Variants in CASK observed in about 807,000 individuals in gnomAD.
CASK encodes calcium/calmodulin dependent serine protein kinase.
In CASK, 4 loss-of-function variants were observed where a neutral mutation model predicts 82.9. The observed-to-expected ratio is 0.05, with a 90% CI of 0.02 to 0.11. CASK has a LOEUF of 0.11. Among genes scored for constraint, CASK ranks in the 10% least tolerant of loss-of-function variants. The probability of loss-of-function intolerance (pLI) is 1.00; values close to 1 mark genes in which losing one functional copy is unlikely to be tolerated. For missense variants in CASK, 358 were observed against 720.9 expected (o/e 0.50, Z 5.76); for synonymous variants, 259 against 253.5 (o/e 1.02, Z -0.20).
chrX:41,878,396 T>C, intron 1 of CASK, among the ~76,000 whole-genome samples: 1 of 111,180 alleles, frequency 9.0e-6, no homozygotes, highest in Non-Finnish European at 1.9e-5. Flanking sequence ...TCAACAGAAG[T>C]GTTCTTTTTT....
Position 41,787,295 on chromosome X carries a change from A to C in CASK, c.173-12T>G. The C allele has an allele frequency of 1.0e-6, 1 of 986,137 alleles. No homozygotes were observed. The highest frequency in any genetic ancestry group is 1.4e-6 in the Non-Finnish European group (1 of 689,777). The allele number at this position is 986,137 out of a possible 1,213,427, so 81.3% of individuals were successfully genotyped here. ...TTCCCGCTTTAGATCTGTAAAACAA[A>C]CATACAGCATACTTCATTAGGTAGG... On this transcript the variant is annotated splice_polypyrimidine_tract_variant and intron_variant, in intron 2 of 26. Transcript: ENST00000378163.
intron 2 of CASK, among the ~76,000 whole-genome samples, chrX:41,820,354 G>A (rs756390781): frequency 1.8e-3 from 196 of 110,951 alleles, no homozygotes; most frequent in African/African-American, 6.1e-3. Context: ...AGAATCAACT[G>A]TATTTCTATA....
At chrX:41,846,497 TAGAA>T (rs1338154934) in intron 2 of CASK, among the ~76,000 whole-genome samples, 1 of 110,325 alleles carries the variant, frequency 9.1e-6, no homozygotes, top group Non-Finnish European at 1.9e-5. Context: ...GTACAAAAAA[TAGAA>T]AGAATGAATA....
At chrX:41,826,543 G>A (rs1017942881) in intron 2 of CASK, among the ~76,000 whole-genome samples, 4 of 111,673 alleles carry the variant, frequency 3.6e-5, no homozygotes, top group African/African-American at 1.3e-4. Flanking sequence ...TGCCATCTTG[G>A]CTCACTGCAA....
chrX:41,630,334 TGAGGA>T (rs1273633467), intron 9 of CASK, among the ~76,000 whole-genome samples: 5 of 111,625 alleles, frequency 4.5e-5, no homozygotes, highest in Non-Finnish European at 9.4e-5. Context: ...ACAAAGTTAT[TGAGGA>T]ACACAAGAGC....
At chrX:41,657,570 T>C (rs1304731262) in intron 8 of CASK, among the ~76,000 whole-genome samples, 1 of 111,304 alleles carries the variant, frequency 9.0e-6, no homozygotes, top group Non-Finnish European at 1.9e-5. Context: ...TAGCCCAGGC[T>C]GGAGTGCTAT....
rs190412488 is a variant in CASK, at chrX:41,662,142, A to G, written c.709-1581T>C. ...TGGGGAGATTGAATCTATACGGGGG[A>G]ACAAAATAAGGCTATAAAACAATCT... On this transcript the variant is annotated intron_variant, in intron 7 of 26. Transcript: ENST00000378163. 6.3e-3 allele frequency among the ~76,000 whole-genome samples: 703 copies of G among 111,504 alleles called. 4 individuals are homozygous for G. Among genetic ancestry groups the G allele is most frequent in the Admixed American group, 0.011 (110 of 10,468 alleles).
At chrX:41,551,936 T>C (rs1380787105) in intron 21 of CASK, among the ~76,000 whole-genome samples, 1 of 106,683 alleles carries the variant, frequency 9.4e-6, no homozygotes, top group African/African-American at 3.4e-5. Context: ...TACCTTTTTT[T>C]ATTTCCCGGA....
intron 3 of CASK, among the ~76,000 whole-genome samples, chrX:41,771,055 G>A (rs2069237384): frequency 8.9e-6 from 1 of 111,913 alleles, no homozygotes; most frequent in African/African-American, 3.2e-5. Flanking sequence ...AAGAACCTAA[G>A]GCAAGGTTCA....
chrX:41,921,686 C>A (rs752679862), intron 1 of CASK, among the ~76,000 whole-genome samples: 1 of 110,359 alleles, frequency 9.1e-6, no homozygotes, highest in African/African-American at 3.3e-5. Flanking sequence ...CAAGCTCTAC[C>A]CACAATTTCA....
At chrX:41,559,610 G>T in intron 18 of CASK, 169 bp downstream of exon 18, 1 of 506,920 alleles carries the variant, frequency 2.0e-6, no homozygotes. Context: ...GCAGGGCTGA[G>T]TAGGTGGATG....
At chrX:41,739,195 T>C (rs1192227295) in intron 5 of CASK, among the ~76,000 whole-genome samples, 189 bp downstream of exon 5, 2 of 112,022 alleles carry the variant, frequency 1.8e-5, no homozygotes, top group African/African-American at 6.5e-5. Flanking sequence ...AATAAATAAA[T>C]TGAAATTATA....
intron 5 of CASK, among the ~76,000 whole-genome samples, chrX:41,726,560 G>A (rs972549696): frequency 8.9e-6 from 1 of 111,969 alleles, no homozygotes; most frequent in Non-Finnish European, 1.9e-5. Flanking sequence ...TTAAAAACCA[G>A]TCAACTCTCT....
At chrX:41,683,143 C>T (rs1391561601) in intron 5 of CASK, 1 of 111,362 alleles carries the variant, frequency 9.0e-6, no homozygotes, top group Non-Finnish European at 1.9e-5. Flanking sequence ...GTTATGTTGA[C>T]ATTATTTAAT....
chrX:41,571,266 C>A (rs1319214765), intron 15 of CASK, among the ~76,000 whole-genome samples: 1 of 111,506 alleles, frequency 9.0e-6, no homozygotes, highest in Non-Finnish European at 1.9e-5. Flanking sequence ...GTATGTTTGA[C>A]AGAATTTACC....
At chrX:41,908,061 G>A (rs762567055) in intron 1 of CASK, among the ~76,000 whole-genome samples, 6 of 111,363 alleles carry the variant, frequency 5.4e-5, no homozygotes, top group East Asian at 5.7e-4. Context: ...GTCATGAACC[G>A]GTACTGGTCA....
intron 3 of CASK, among the ~76,000 whole-genome samples, chrX:41,774,183 T>C (rs2069304505): frequency 9.0e-6 from 1 of 110,822 alleles, no homozygotes; most frequent in African/African-American, 3.3e-5. Context: ...ATTGTATATC[T>C]AGAAAACCCC....
chrX:41,523,566 T>C (rs938322206), intron 26 of CASK, among the ~76,000 whole-genome samples: 1 of 112,866 alleles, frequency 8.9e-6, no homozygotes, highest in African/African-American at 3.2e-5. Context: ...ATGAGCACCA[T>C]GTCTGTGGCA....
chrX:41,559,919 C>T, intron 17 of CASK, 72 bp from the exon 18 acceptor site: 1 of 898,545 alleles, frequency 1.1e-6, no homozygotes, highest in Non-Finnish European at 1.6e-6. Context: ...ATGTAAGAAG[C>T]CACTCAAAAC....
Sources: allele counts gnomAD v4.1 joint callset (sites outside exome capture counted in the v4.1 genomes callset), GRCh38; gene constraint gnomAD v4.1.1; transcripts MANE v1.5; gene names NCBI Gene and HGNC (gene_info 2026-07-23, HGNC 2026-07-21).